Variants in CPE observed in about 807,000 individuals in gnomAD.
CPE encodes carboxypeptidase E.
CPE carries 17 observed loss-of-function variants against 53.5 expected under a neutral mutation model. That is an observed-to-expected ratio of 0.32 (90% CI 0.22 to 0.48). The LOEUF is 0.48. Among genes scored for constraint, CPE ranks in the 20% least tolerant of loss-of-function variants. The pLI is 0.99. For missense variants in CPE, 524 were observed against 614.7 expected (o/e 0.85, Z 1.56); for synonymous variants, 226 against 228.8 (o/e 0.99, Z 0.11).
Position 165,493,246 on chromosome 4 carries a change from G to T in CPE, c.1189G>T (p.Gly397Ter), listed in dbSNP as rs1732639317. The change falls in exon 7 of 9, where the codon GGA (glycine) becomes TGA (stop). Residue 397 changes from glycine to a stop codon, truncating the protein, a stop_gained. Transcript: ENST00000402744. LOFTEE classifies it high-confidence loss of function. ...TGCGAATGCCACCATCTCCGTGGAA[G>T]GAATAGACCACGATGTTACATCCGG... ...PIANATISVE[G>*]IDHDVTSAKD... The T allele has an allele frequency of 1.2e-6, 2 of 1,613,990 alleles. No individual in the cohort carries two copies. The highest frequency in any genetic ancestry group is 1.7e-6 in the Non-Finnish European group (2 of 1,179,850).
Position 165,440,543 on chromosome 4 carries a change from T to G in CPE, c.308-23847T>G, listed in dbSNP as rs542984395. ...AATGCCACTGATTTCATGATTCATA[T>G]GCACACCATGGAAATAAACAAGAGC... On this transcript the variant is annotated intron_variant, in intron 1 of 8. Coordinates refer to ENST00000402744, the MANE Select transcript of CPE (RefSeq NM_001873.4). 2.6e-5 allele frequency among the ~76,000 whole-genome samples: 4 copies of G among 151,380 alleles called. No homozygotes were observed. The South Asian group carries it at 8.3e-4, about 31-fold the overall frequency.
At chr4:165,409,499 A>G (rs531271880) in intron 1 of CPE, among the ~76,000 whole-genome samples, 7 of 152,160 alleles carry the variant, frequency 4.6e-5, no homozygotes, top group African/African-American at 9.6e-5. Context: ...CGCTGCACCC[A>G]TTCTCCACTC....
intron 1 of CPE, among the ~76,000 whole-genome samples, chr4:165,453,827 A>G (rs1013838973): frequency 8.8e-4 from 134 of 152,234 alleles, no homozygotes; most frequent in African/African-American, 3.1e-3. Context: ...TCCTGGTAAG[A>G]TCCTAACTAA....
At chr4:165,449,498 G>A (rs74394548) in intron 1 of CPE, among the ~76,000 whole-genome samples, 1,595 of 152,248 alleles carry the variant, frequency 0.01, 23 homozygotes, top group African/African-American at 0.036. Context: ...GGAGATGAGC[G>A]ATATGTAGAT....
intron 1 of CPE, among the ~76,000 whole-genome samples, chr4:165,442,047 G>T (rs28504632): frequency 0.2 from 10,607 of 52,650 alleles, 599 homozygotes; most frequent in African/African-American, 0.36. Flanking sequence ...TTTTTTTTTT[G>T]TTTTTTTTTT....
intron 1 of CPE, among the ~76,000 whole-genome samples, chr4:165,382,150 A>G (rs994727719): frequency 8.2e-5 from 12 of 145,782 alleles, no homozygotes; most frequent in African/African-American, 2.9e-4. Flanking sequence ...ATTGATGACA[A>G]AAGACAGTAG....
chr4:165,455,908 C>T (rs1023206936), intron 1 of CPE, among the ~76,000 whole-genome samples: 8 of 152,292 alleles, frequency 5.3e-5, no homozygotes, highest in South Asian at 2.1e-4. Context: ...CTGCTTTGGC[C>T]TCCCAAAGTG....
At chr4:165,409,552 T>C (rs1731004195) in intron 1 of CPE, among the ~76,000 whole-genome samples, 1 of 152,176 alleles carries the variant, frequency 6.6e-6, no homozygotes, top group African/African-American at 2.4e-5. Context: ...CGATGCCACT[T>C]GTGTGAGAGA....
intron 5 of CPE, among the ~76,000 whole-genome samples, 173 bp from the exon 6 acceptor site, chr4:165,487,265 G>A (rs926434330): frequency 2.0e-5 from 3 of 152,092 alleles, no homozygotes; most frequent in Non-Finnish European, 2.9e-5. Context: ...AACAACCCCC[G>A]ACCTATGTTG....
chr4:165,452,188 A>G (rs1731823507), intron 1 of CPE, among the ~76,000 whole-genome samples: 1 of 152,160 alleles, frequency 6.6e-6, no homozygotes, highest in African/African-American at 2.4e-5. Context: ...TAGTTAATGG[A>G]CACAGTTAGC....
rs545284100 is a variant in CPE, at chr4:165,384,605, G to C, written c.307+5077G>C. The stretch of plus-strand genomic sequence containing the variant: ...CACTCCAGCCTGGGCGACAGAGCGA[G>C]ACCCTATCTCAGAAACAAAATAACA... On this transcript the variant is annotated intron_variant, in intron 1 of 8. Transcript: ENST00000402744. Among the ~76,000 whole-genome samples, 290 of 152,306 alleles carry C rather than the reference G, an allele frequency of 1.9e-3. 1 individual carries two copies. The highest frequency in any genetic ancestry group is 3.1e-3 in the Non-Finnish European group (209 of 68,030).
intron 1 of CPE, among the ~76,000 whole-genome samples, chr4:165,393,450 A>T (rs533034447): frequency 1.3e-5 from 2 of 152,054 alleles, no homozygotes; most frequent in Non-Finnish European, 2.9e-5. Flanking sequence ...TTAGTGTTCC[A>T]TAGAATTGTG....
intron 5 of CPE, among the ~76,000 whole-genome samples, chr4:165,487,184 T>A (rs1353952542): frequency 6.6e-6 from 1 of 152,236 alleles, no homozygotes; most frequent in Admixed American, 6.5e-5. Flanking sequence ...AGGTGGGTAA[T>A]GTCTGCATTA....
intron 3 of CPE, among the ~76,000 whole-genome samples, chr4:165,477,459 T>C (rs2126708719): frequency 6.6e-6 from 1 of 152,370 alleles, no homozygotes; most frequent in South Asian, 2.1e-4. Context: ...TGATATTGCC[T>C]ATGTCTGGTT....
At chr4:165,408,554 A>G (rs937464053) in intron 1 of CPE, among the ~76,000 whole-genome samples, 2 of 152,256 alleles carry the variant, frequency 1.3e-5, no homozygotes, top group African/African-American at 2.4e-5. Flanking sequence ...TAAAAGCCTT[A>G]GATTATCTGC....
chr4:165,395,171 G>T (rs1210314893), intron 1 of CPE, among the ~76,000 whole-genome samples: 1 of 152,168 alleles, frequency 6.6e-6, no homozygotes, highest in African/African-American at 2.4e-5. Context: ...ATGTGAAAGG[G>T]TGTGTTCTCA....
chr4:165,448,677 A>T (rs1401334592), intron 1 of CPE, among the ~76,000 whole-genome samples: 2 of 152,156 alleles, frequency 1.3e-5, no homozygotes, highest in Non-Finnish European at 2.9e-5. Context: ...CATTGTCACC[A>T]GTCCTAACTG....
chr4:165,493,103 C>A, intron 6 of CPE, 68 bp from the exon 7 acceptor site: 1 of 966,546 alleles, frequency 1.0e-6, no homozygotes, highest in Non-Finnish European at 1.6e-6. Flanking sequence ...TGATATGAAA[C>A]ATATTTAAGG....
At chr4:165,493,382 T>G in intron 7 of CPE, 112 bp downstream of exon 7, 7 of 740,366 alleles carry the variant, frequency 9.5e-6, no homozygotes, top group South Asian at 2.0e-5. Flanking sequence ...CTCGTATCTC[T>G]ACAGCGTTTC....
Sources: gnomAD v4.1 joint callset for allele counts (sites outside exome capture counted in the v4.1 genomes callset) on GRCh38, gnomAD v4.1.1 for gene constraint, MANE v1.5 for transcripts, NCBI Gene and HGNC (gene_info 2026-07-23, HGNC 2026-07-21) for gene names.